Variants in ABL1 observed in about 807,000 individuals in gnomAD.
ABL1 encodes the protein ABL proto-oncogene 1, non-receptor tyrosine kinase, also known as tyrosine-protein kinase ABL1.
Under a neutral mutation model 94.7 loss-of-function variants are expected in ABL1, and 11 were observed. That is an observed-to-expected ratio of 0.12 (90% CI 0.07 to 0.19). The LOEUF (loss-of-function observed/expected upper bound fraction) is 0.19, where lower values mean the gene tolerates loss of function less well. ABL1 is among the 10% of genes least tolerant of loss of function. ABL1 has a pLI of 1.00. For missense variants in ABL1, 1,082 were observed against 1,489.4 expected (o/e 0.73, Z 4.50); for synonymous variants, 656 against 622.4 (o/e 1.05, Z -0.80).
chr9:130,782,621 C>A lies in ABL1; in HGVS notation c.136+68166C>A, dbSNP rs979434074. 5.3e-5 allele frequency among the ~76,000 whole-genome samples: 8 copies of A among 152,150 alleles called. No individual in the cohort carries two copies. The South Asian group carries it at 8.3e-4, about 16-fold the overall frequency. ...AGATGTGAATGTTGATAACACACACCCACCTCATAGGATTAATGAGAACAT... is the reference window on the plus strand; with the variant it reads ...AGATGTGAATGTTGATAACACACACACACCTCATAGGATTAATGAGAACAT... On this transcript the variant is annotated intron_variant, in intron 1 of 10. Coordinates refer to the ABL1 transcript ENST00000372348.
chr9:130,872,690 C>T lies in ABL1; in HGVS notation c.908-170C>T, dbSNP rs533633163. Reference sequence around the variant, plus strand: ...AAGAAGAAAAGAGCCTGGCCATGTCCCTCCCACACGAGCACAGTCTCAGGA... The same window carrying T: ...AAGAAGAAAAGAGCCTGGCCATGTCTCTCCCACACGAGCACAGTCTCAGGA... On this transcript the variant is annotated intron_variant, in intron 5 of 10. Transcript: ENST00000318560. The surrounding 1 kb of genome is among the most constrained non-coding windows in gnomAD (Gnocchi z 5.0). 2.6e-5 allele frequency among the ~76,000 whole-genome samples: 4 copies of T among 152,272 alleles called. No individual in the cohort carries two copies. In the East Asian group the frequency reaches 7.7e-4, roughly 29 times the overall value.
At chr9:130,767,574 C>T (rs181316731) in intron 1 of ABL1, among the ~76,000 whole-genome samples, 440 of 152,286 alleles carry the variant, frequency 2.9e-3, no homozygotes, top group Non-Finnish European at 5.0e-3. Context: ...CTCAGGTGAT[C>T]CACCCGCCTG....
chr9:130,828,441 C>T (rs919600128), intron 1 of ABL1, among the ~76,000 whole-genome samples: 1 of 152,196 alleles, frequency 6.6e-6, no homozygotes, highest in African/African-American at 2.4e-5. Flanking sequence ...AAAATTGTCT[C>T]AGAATGTATT....
At chr9:130,792,857 A>G (rs1316757847) in intron 1 of ABL1, among the ~76,000 whole-genome samples, 1 of 152,196 alleles carries the variant, frequency 6.6e-6, no homozygotes, top group African/African-American at 2.4e-5. Context: ...CTAGTTTCTA[A>G]TCAGGTGCTT....
chr9:130,878,372 G>A, intron 7 of ABL1, 43 bp from the exon 8 acceptor site: 3 of 1,607,792 alleles, frequency 1.9e-6, no homozygotes, highest in Non-Finnish European at 2.6e-6. Flanking sequence ...GTAGTGAAAT[G>A]CTACACATCT....
At chr9:130,851,060 A>G (rs1170315160) in intron 1 of ABL1, among the ~76,000 whole-genome samples, 1 of 151,442 alleles carries the variant, frequency 6.6e-6, no homozygotes, top group Non-Finnish European at 1.5e-5. Flanking sequence ...AGTAGCTGGG[A>G]CTACAGGTGC....
chr9:130,717,688 T>G (rs1588208463), intron 1 of ABL1, among the ~76,000 whole-genome samples: 1 of 148,362 alleles, frequency 6.7e-6, no homozygotes, highest in African/African-American at 2.5e-5. Flanking sequence ...AGTTCATTGG[T>G]AGAGTTTCTT....
At position 130,880,706 on chromosome 9, in the gene ABL1, C is replaced by G; in HGVS notation, c.1678+42C>G. ...CCCCAACCCCACTGCTCTTCCCTTC[C>G]CTGCCAGAGGCTACATTCAGGCCAT... On this transcript the variant is annotated intron_variant, in intron 10 of 10. Coordinates refer to ENST00000318560, the MANE Select transcript of ABL1 (RefSeq NM_005157.6). This position sits in a 1 kb window ranked among gnomAD's most constrained non-coding sequence, Gnocchi z 4.4. 6.2e-7 allele frequency: 1 copy of G among 1,602,756 alleles called. No homozygotes were observed. Among genetic ancestry groups the G allele is most frequent in the South Asian group, 1.1e-5 (1 of 90,096 alleles).
rs1268264794 is a variant in ABL1, at chr9:130,796,737, A to G, written c.137-57327A>G. Among the ~76,000 whole-genome samples, 3 of 151,650 alleles carry G rather than the reference A, an allele frequency of 2.0e-5. No individual in the cohort carries two copies. In the East Asian group the frequency reaches 5.8e-4, roughly 29 times the overall value. On this transcript the variant is annotated intron_variant, in intron 1 of 10. Coordinates refer to the ABL1 transcript ENST00000372348. ...CAGGTAAAAAAATAAATAAATAAAC[A>G]AAAAACAATGTCTTTCTCTGCCTTT...
At chr9:130,860,327 A>T (rs962591213) in intron 3 of ABL1, among the ~76,000 whole-genome samples, 3 of 152,234 alleles carry the variant, frequency 2.0e-5, no homozygotes, top group Non-Finnish European at 4.4e-5. Flanking sequence ...TTTTATGTTG[A>T]AAAATGAACT....
chr9:130,739,736 A>C (rs765378193), intron 1 of ABL1, among the ~76,000 whole-genome samples: 11 of 152,146 alleles, frequency 7.2e-5, no homozygotes, highest in Non-Finnish European at 1.3e-4. Flanking sequence ...TGGTAAGTCC[A>C]CATCATTGCT....
chr9:130,718,955 C>G (rs1422107241), intron 1 of ABL1, among the ~76,000 whole-genome samples: 1 of 152,094 alleles, frequency 6.6e-6, no homozygotes, highest in Admixed American at 6.6e-5. Flanking sequence ...TGCTGAAGTA[C>G]TAACACTGAA....
At chr9:130,734,544 C>G (rs572894627) in intron 1 of ABL1, among the ~76,000 whole-genome samples, 1 of 107,698 alleles carries the variant, frequency 9.3e-6, no homozygotes, top group African/African-American at 3.6e-5. Context: ...TTTTTTGAGA[C>G]AGGGTCTCAC....
intron 1 of ABL1, among the ~76,000 whole-genome samples, chr9:130,785,693 C>A (rs1171866640): frequency 1.3e-5 from 2 of 151,962 alleles, no homozygotes; most frequent in Non-Finnish European, 2.9e-5. Flanking sequence ...GAGGCCAAGG[C>A]GGGCAGATCA....
intron 1 of ABL1, among the ~76,000 whole-genome samples, chr9:130,783,655 TTTG>T (rs1829785885): frequency 6.6e-6 from 1 of 151,450 alleles, no homozygotes; most frequent in Non-Finnish European, 1.5e-5. Context: ...TGTTTGTTTG[TTTG>T]TTTTTTGTTT....
chr9:130,857,457 C>T (rs1830992565), intron 3 of ABL1, among the ~76,000 whole-genome samples: 1 of 152,104 alleles, frequency 6.6e-6, no homozygotes, highest in Non-Finnish European at 1.5e-5. Flanking sequence ...TTAGTAAATT[C>T]ATCTTTTTCC....
Position 130,853,176 on chromosome 9 carries a change from T to TTTC in ABL1, c.80-886_80-885insCTT, listed in dbSNP as rs1554768563. 4.7e-4 allele frequency among the ~76,000 whole-genome samples: 61 copies of TTTC among 129,614 alleles called. 1 individual carries two copies. The highest frequency in any genetic ancestry group is 1.7e-3 in the African/African-American group (58 of 34,554). 85.0% of individuals were successfully genotyped at this position (129,614 alleles called of 152,430 possible). A position where few individuals can be genotyped will look rare whatever the true frequency, so the allele number is the denominator to read the frequency against. On this transcript the variant is annotated intron_variant, in intron 1 of 10. Transcript: ENST00000318560. ...TCTGTACGATTTGACTTTTCTTTTT[T>TTTC]TTTTTTTTTTTTTTTTTGAGATGGA...
intron 1 of ABL1, among the ~76,000 whole-genome samples, chr9:130,809,405 AGAGAGAGAGAGAGTGTGT>A (rs1564296501): frequency 8.2e-6 from 1 of 121,880 alleles, no homozygotes; most frequent in Admixed American, 1.0e-4. Context: ...AGAGAGAGAG[AGAGAGAGAGAGAGTGTGT>A]GTGTGTGTGT....
intron 1 of ABL1, among the ~76,000 whole-genome samples, chr9:130,766,513 A>G (rs1832185521): frequency 6.6e-6 from 1 of 152,126 alleles, no homozygotes; most frequent in Admixed American, 6.5e-5. Context: ...AAGTGTAGGC[A>G]CTTGCAGGGG....
Sources: allele counts gnomAD v4.1 joint callset (sites outside exome capture counted in the v4.1 genomes callset), GRCh38; gene constraint gnomAD v4.1.1; non-coding constraint Gnocchi (gnomAD v3.1); transcripts MANE v1.5; gene names NCBI Gene and HGNC (gene_info 2026-07-23, HGNC 2026-07-21).